The following MCF2L variants were observed in gnomAD, a reference collection of about 807,000 sequenced individuals.
The protein encoded by MCF2L is guanine nucleotide exchange factor DBS.
A neutral mutation model predicts 153.4 loss-of-function variants in MCF2L; 97 were observed. The observed-to-expected ratio is 0.63, with a 90% CI of 0.54 to 0.75. MCF2L has a LOEUF of 0.75. MCF2L is among the 30% of genes least tolerant of loss of function. The pLI, the probability that MCF2L is intolerant of heterozygous loss-of-function variation, is 0.00. For synonymous variants in MCF2L, 659 were observed against 632.2 expected (o/e 1.04, Z -0.64); for missense variants, 1,347 against 1,495.2 (o/e 0.90, Z 1.64).
In MCF2L at chr13:112,939,472, A is replaced by G. The variant is rs566766730; in HGVS notation, c.169+37101A>G. On this transcript the variant is annotated intron_variant, in intron 2 of 29. Coordinates refer to the MCF2L transcript ENST00000375608. ...GGACAAAGTTGTCTCTTGGTTATCA[A>G]CCTCTGGTCTCTAATAAGAGAAATA... 5.3e-5 allele frequency among the ~76,000 whole-genome samples: 8 copies of G among 152,212 alleles called. No homozygotes were observed. The South Asian group carries it at 1.7e-3, about 32-fold the overall frequency.
rs1276093135 is a variant in MCF2L, at chr13:113,035,442, G to A, written c.279-9829G>A. On this transcript the variant is annotated intron_variant, in intron 3 of 29. Transcript: ENST00000535094. This position sits in a 1 kb window ranked among gnomAD's most constrained non-coding sequence, Gnocchi z 4.4. ...GAAACCAGGTCCTCTGACCTCACCC[G>A]GCTCTGCAGTCTGTTTTGCCGTTTT... 1.3e-5 allele frequency among the ~76,000 whole-genome samples: 2 copies of A among 152,066 alleles called. No individual in the cohort carries two copies. Among genetic ancestry groups the A allele is most frequent in the African/African-American group, 2.4e-5 (1 of 41,398 alleles).
chr13:112,958,512 G>A (rs1284726203), intron 2 of MCF2L, among the ~76,000 whole-genome samples: 1 of 152,176 alleles, frequency 6.6e-6, no homozygotes, highest in Non-Finnish European at 1.5e-5. Flanking sequence ...GACGAGGGTG[G>A]GACTGGGTGG....
chr13:112,985,609 C>T (rs1432040626), intron 1 of MCF2L: 1 of 351,464 alleles, frequency 2.8e-6, no homozygotes, highest in Non-Finnish European at 5.8e-6. Flanking sequence ...GTCTGTGTCC[C>T]CTGTGGAATT....
At chr13:112,930,300 T>C (rs1237935494) in intron 2 of MCF2L, among the ~76,000 whole-genome samples, 1 of 152,186 alleles carries the variant, frequency 6.6e-6, no homozygotes, top group African/African-American at 2.4e-5. Flanking sequence ...AACCAGTATG[T>C]CATTCAGTAG....
At chr13:112,988,225 T>G (rs1594504131) in intron 1 of MCF2L, among the ~76,000 whole-genome samples, 1 of 150,048 alleles carries the variant, frequency 6.7e-6, no homozygotes. Context: ...CTCTCTGTGG[T>G]CCTCGTCTAC....
At chr13:113,061,630 C>T (rs1400773541) in intron 5 of MCF2L, among the ~76,000 whole-genome samples, 1 of 151,230 alleles carries the variant, frequency 6.6e-6, no homozygotes, top group African/African-American at 2.4e-5. Flanking sequence ...GTGCAAGAGC[C>T]CTTCTCTGAC....
At chr13:112,961,096 ACG>A (rs1336613512) in intron 2 of MCF2L, among the ~76,000 whole-genome samples, 55 of 21,822 alleles carry the variant, frequency 2.5e-3, no homozygotes, top group African/African-American at 9.6e-3. Flanking sequence ...CTATGCCTCC[ACG>A]TTGCATCTGC....
At chr13:112,994,218 C>CAG (rs1489483533) in intron 1 of MCF2L, among the ~76,000 whole-genome samples, 26 of 147,496 alleles carry the variant, frequency 1.8e-4, no homozygotes, top group African/African-American at 6.3e-4. Flanking sequence ...GGGCACGGTG[C>CAG]GTGGGATGCC....
At chr13:112,916,720 C>G (rs578186621) in intron 2 of MCF2L, among the ~76,000 whole-genome samples, 7 of 152,226 alleles carry the variant, frequency 4.6e-5, no homozygotes, top group Non-Finnish European at 7.4e-5. Context: ...AGTGGTCCTC[C>G]GAGTGGTCCT....
chr13:113,063,912 G>T (rs545175646), intron 5 of MCF2L: 1 of 446,720 alleles, frequency 2.2e-6, no homozygotes, highest in African/African-American at 2.0e-5. Context: ...CCATTTTGAC[G>T]GCTTGCTGTG....
At chr13:113,096,128 A>G (rs55719740) in intron 27 of MCF2L, 63,636 of 583,034 alleles carry the variant, frequency 0.11, 4,447 homozygotes, top group East Asian at 0.27. Flanking sequence ...TGTGGAGACC[A>G]GCGTGAGGGG....
Position 112,917,553 on chromosome 13 carries a change from C to T in MCF2L, c.169+15182C>T, listed in dbSNP as rs546336052. 2.2e-5 allele frequency: 5 copies of T among 224,594 alleles called. No individual in the cohort carries two copies. In the South Asian group the frequency reaches 3.2e-4, roughly 15 times the overall value. The allele number at this position is 224,594 out of a possible 1,614,324, so 13.9% of individuals were successfully genotyped here. ...AGTGCGGGCCCTTCTCTGCTGAAAT[C>T]CTCAGTTCAGCAGGGTAAACACAGC... is the stretch of plus-strand genomic sequence containing the variant. On this transcript the variant is annotated intron_variant, in intron 2 of 29. Coordinates refer to the MCF2L transcript ENST00000375608.
chr13:112,968,720 G>C (rs1303943425), upstream of MCF2L: 2 of 1,393,154 alleles, frequency 1.4e-6, no homozygotes, highest in African/African-American at 3.0e-5. Context: ...CGGAGGTAAA[G>C]GGAGGCGGCG....
rs911820782 is a variant in MCF2L at position 113,077,194 on chromosome 13, C to T, written c.1643C>T (p.Ser548Leu). The part of the protein sequence containing the change: ...VAPRPEALAK[S>L]PCPSPGIRRG... The stretch of plus-strand genomic sequence containing the variant: ...CCCAGACCCGAGGCACTGGCAAAGT[C>T]GCCCTGCCCCTCCCCAGGTCTGTGT... The change falls in exon 13 of 30, where the codon TCG becomes TTG. Residue 548 changes from serine to leucine, a missense_variant. Coordinates refer to ENST00000535094, the MANE Select transcript of MCF2L (RefSeq NM_001112732.3). 5 of 1,591,986 alleles carry T rather than the reference C, an allele frequency of 3.1e-6. No individual in the cohort carries two copies. In the African/African-American group the frequency reaches 5.4e-5, roughly 17 times the overall value.
intron 4 of MCF2L, among the ~76,000 whole-genome samples, chr13:113,051,608 C>CT (rs11446997): frequency 0.093 from 14,143 of 152,150 alleles, 978 homozygotes; most frequent in East Asian, 0.31. Context: ...AGCCACTTTG[C>CT]TCTCTCTAAA....
In MCF2L at chr13:113,096,580, G is replaced by A. The variant is rs376350190; in HGVS notation, c.3219G>A (p.Glu1073=). ...WYVRDPTTGK[E]GWVPASSLSV... is the part of the protein sequence containing the mutation. ...TCAGGGACCCGACCACTGGCAAGGA[G>A]GGCTGGGTGCCGGCCAGCAGCCTGT... The change falls in exon 29 of 30, where the codon GAG becomes GAA. Residue 1073 remains glutamate, a synonymous_variant. Coordinates refer to ENST00000535094, the MANE Select transcript of MCF2L (RefSeq NM_001112732.3). The A allele has an allele frequency of 5.6e-6, 9 of 1,604,502 alleles. No individual in the cohort carries two copies. The highest frequency in any genetic ancestry group is 7.6e-6 in the Non-Finnish European group (9 of 1,178,394).
At chr13:113,041,426 A>G (rs951876973) in intron 3 of MCF2L, among the ~76,000 whole-genome samples, 1 of 151,882 alleles carries the variant, frequency 6.6e-6, no homozygotes, top group East Asian at 1.9e-4. Context: ...CCCTGCCCTC[A>G]TGACCACAGT....
chr13:113,046,945 C>T lies in MCF2L; in HGVS notation c.369+1584C>T, dbSNP rs963150959. On this transcript the variant is annotated intron_variant, in intron 4 of 29. Coordinates refer to ENST00000535094, the MANE Select transcript of MCF2L (RefSeq NM_001112732.3). This position sits in a 1 kb window ranked among gnomAD's most constrained non-coding sequence, Gnocchi z 4.4. The stretch of plus-strand genomic sequence containing the variant: ...GCTGGGTAATTGATAAAGAAAGAGG[C>T]GTAATTGGCTCACAGTTCTGCAGGC... 16 of 216,744 alleles carry T rather than the reference C, an allele frequency of 7.4e-5. No homozygotes were observed. Among genetic ancestry groups the T allele is most frequent in the Non-Finnish European group, 1.0e-4 (11 of 108,522 alleles). The allele number at this position is 216,744 out of a possible 1,614,324, so 13.4% of individuals were successfully genotyped here.
intron 2 of MCF2L, among the ~76,000 whole-genome samples, chr13:112,931,421 C>T (rs1394958594): frequency 6.6e-6 from 1 of 152,222 alleles, no homozygotes; most frequent in Non-Finnish European, 1.5e-5. Context: ...CAGCTGTCTG[C>T]GGATGGGAGC....
Sources: gnomAD v4.1 joint callset for allele counts (sites outside exome capture counted in the v4.1 genomes callset) on GRCh38, gnomAD v4.1.1 for gene constraint, Gnocchi (gnomAD v3.1) non-coding constraint, MANE v1.5 for transcripts, NCBI Gene and HGNC (gene_info 2026-07-23, HGNC 2026-07-21) for gene names.